Variants in PRKN observed in about 807,000 individuals in gnomAD.
The protein encoded by PRKN is E3 ubiquitin-protein ligase parkin.
Under a neutral mutation model 59.5 loss-of-function variants are expected in PRKN, and 56 were observed. The observed-to-expected ratio is 0.94, with a 90% CI of 0.76 to 1.18. The LOEUF is 1.18. PRKN is among the 50% of genes most tolerant of loss of function. The pLI, the probability that PRKN is intolerant of heterozygous loss-of-function variation, is 0.00. For missense variants in PRKN, 657 were observed against 596.4 expected, an observed-to-expected ratio of 1.10 and a Z score of -1.06; for synonymous variants, 250 against 222.1, an observed-to-expected ratio of 1.13 and a Z score of -1.12.
intron 4 of PRKN, among the ~76,000 whole-genome samples, chr6:162,059,133 T>C (rs117684187): frequency 6.1e-4 from 93 of 152,298 alleles, no homozygotes; most frequent in Non-Finnish European, 1.2e-3. Flanking sequence ...ACTGCCCTAA[T>C]AGCAACTAAA....
At chr6:161,763,634 T>G (rs1304006174) in intron 7 of PRKN, among the ~76,000 whole-genome samples, 1 of 152,082 alleles carries the variant, frequency 6.6e-6, no homozygotes, top group Non-Finnish European at 1.5e-5. Context: ...TGAGGCACAT[T>G]CAGCAAGGGT....
intron 9 of PRKN, among the ~76,000 whole-genome samples, chr6:161,443,363 A>G (rs1264973630): frequency 6.6e-6 from 1 of 151,706 alleles, no homozygotes; most frequent in Non-Finnish European, 1.5e-5. Context: ...GCGTGGTCTT[A>G]TACTATGTCA....
chr6:161,646,062 C>G (rs1203672709), intron 7 of PRKN, among the ~76,000 whole-genome samples: 43 of 90,088 alleles, frequency 4.8e-4, no homozygotes, highest in African/African-American at 1.0e-3. Context: ...GGCGGCGTAT[C>G]AGTGACAGTG....
At chr6:161,749,968 G>A (rs990413809) in intron 7 of PRKN, among the ~76,000 whole-genome samples, 13 of 151,926 alleles carry the variant, frequency 8.6e-5, no homozygotes, top group African/African-American at 3.1e-4. Flanking sequence ...TGATTTTATA[G>A]TCCTCTGTGT....
rs538036002 is a variant in PRKN, at chr6:162,337,265, A to C, written c.172-74500T>G. Reference sequence around the variant, plus strand: ...TATTTCTATTATAAAACACAACCCAAAATAACAGTTAAGAAAAGTTATCTC... The same window carrying C: ...TATTTCTATTATAAAACACAACCCACAATAACAGTTAAGAAAAGTTATCTC... On this transcript the variant is annotated intron_variant, in intron 2 of 11. Coordinates refer to ENST00000366898, the MANE Select transcript of PRKN (RefSeq NM_004562.3). Among the ~76,000 whole-genome samples, 3 of 152,296 alleles carry C rather than the reference A, an allele frequency of 2.0e-5. No individual in the cohort carries two copies. In the East Asian group the frequency reaches 5.8e-4, roughly 29 times the overall value.
chr6:162,678,373 T>A (rs1779633988), intron 1 of PRKN, among the ~76,000 whole-genome samples: 1 of 152,218 alleles, frequency 6.6e-6, no homozygotes, highest in African/African-American at 2.4e-5. Flanking sequence ...TATAAGACAC[T>A]GCCATACTTT....
At chr6:161,763,746 G>A (rs1342769910) in intron 7 of PRKN, among the ~76,000 whole-genome samples, 1 of 151,948 alleles carries the variant, frequency 6.6e-6, no homozygotes, top group Non-Finnish European at 1.5e-5. Flanking sequence ...TTAAATTTTT[G>A]TCATGGATTC....
chr6:161,808,479 T>C (rs894135456), intron 6 of PRKN, among the ~76,000 whole-genome samples: 1 of 152,156 alleles, frequency 6.6e-6, no homozygotes, highest in Admixed American at 6.5e-5. Flanking sequence ...TTGTAATGAA[T>C]AACGTGTGTG....
At chr6:162,047,129 T>G (rs756866044) in intron 5 of PRKN, among the ~76,000 whole-genome samples, 27 of 152,160 alleles carry the variant, frequency 1.8e-4, no homozygotes, top group Non-Finnish European at 3.7e-4. Flanking sequence ...ACAATTCAAT[T>G]TTGTTTAGAA....
intron 6 of PRKN, among the ~76,000 whole-genome samples, chr6:161,824,465 G>A (rs181145282): frequency 2.4e-4 from 37 of 152,294 alleles, no homozygotes; most frequent in African/African-American, 8.7e-4. Flanking sequence ...TTCCACACTT[G>A]AAGTGCAGAA....
chr6:162,427,944 A>G (rs1562757327), intron 2 of PRKN, among the ~76,000 whole-genome samples: 1 of 152,204 alleles, frequency 6.6e-6, no homozygotes, highest in African/African-American at 2.4e-5. Flanking sequence ...ATGGAACACA[A>G]TCAGAGAGCA....
chr6:162,564,608 GA>G (rs1240526167), intron 1 of PRKN, among the ~76,000 whole-genome samples: 1 of 152,054 alleles, frequency 6.6e-6, no homozygotes, highest in African/African-American at 2.4e-5. Flanking sequence ...GCAGCAAAAG[GA>G]AAGAAATAAA....
intron 7 of PRKN, among the ~76,000 whole-genome samples, chr6:161,711,693 A>G (rs542875511): frequency 2.0e-5 from 3 of 152,286 alleles, no homozygotes; most frequent in East Asian, 3.9e-4. Context: ...GACACCCTCA[A>G]CCTGGGTGGG....
chr6:161,930,595 T>C (rs930071549), intron 6 of PRKN, among the ~76,000 whole-genome samples: 2 of 152,236 alleles, frequency 1.3e-5, no homozygotes, highest in African/African-American at 4.8e-5. Context: ...TGAATAATCC[T>C]GACACTGAAT....
chr6:162,162,932 C>T (rs1045968277), intron 4 of PRKN, among the ~76,000 whole-genome samples: 2 of 148,674 alleles, frequency 1.3e-5, no homozygotes, highest in East Asian at 1.9e-4. Flanking sequence ...CACTTGAACC[C>T]GGGAGGCAGA....
chr6:161,806,975 C>G (rs184405928), intron 6 of PRKN, among the ~76,000 whole-genome samples: 1 of 152,310 alleles, frequency 6.6e-6, no homozygotes, highest in East Asian at 1.9e-4. Flanking sequence ...CCATCTGAAC[C>G]TAATGAGGAT....
intron 6 of PRKN, among the ~76,000 whole-genome samples, chr6:161,898,352 C>T (rs922231634): frequency 2.0e-5 from 3 of 152,140 alleles, no homozygotes; most frequent in African/African-American, 4.8e-5. Context: ...TAGGGAATCA[C>T]GAAGGTCCCA....
At chr6:161,898,697 C>G (rs566028120) in intron 6 of PRKN, among the ~76,000 whole-genome samples, 16 of 152,230 alleles carry the variant, frequency 1.1e-4, no homozygotes, top group Admixed American at 3.9e-4. Context: ...TGATAGGTGG[C>G]AAGTTTCATA....
At chr6:161,760,941 C>T (rs1432490144) in intron 7 of PRKN, among the ~76,000 whole-genome samples, 1 of 152,204 alleles carries the variant, frequency 6.6e-6, no homozygotes, top group Non-Finnish European at 1.5e-5. Context: ...TACAATGCAA[C>T]TTCGCTGGCC....
Sources: allele counts gnomAD v4.1 joint callset (sites outside exome capture counted in the v4.1 genomes callset), GRCh38; gene constraint gnomAD v4.1.1; transcripts MANE v1.5; gene names NCBI Gene and HGNC (gene_info 2026-07-23, HGNC 2026-07-21).